AGMO: variants seen among roughly 807,000 people sequenced by gnomAD.
The protein encoded by AGMO is alkylglycerol monooxygenase.
A neutral mutation model predicts 60.2 loss-of-function variants in AGMO; 75 were observed. That is an observed-to-expected ratio of 1.25 (90% CI 1.03 to 1.51). The LOEUF (loss-of-function observed/expected upper bound fraction) is 1.51. Ranked by LOEUF, AGMO falls within the 40% of genes most tolerant of loss-of-function variation. The pLI is 0.00. For synonymous variants in AGMO, 261 were observed against 177.1 expected, an observed-to-expected ratio of 1.47 and a Z score of -3.76; for missense variants, 763 against 525.5, an observed-to-expected ratio of 1.45 and a Z score of -4.42.
chr7:15,466,682 G>A (rs1782299306), intron 3 of AGMO, among the ~76,000 whole-genome samples: 1 of 152,162 alleles, frequency 6.6e-6, no homozygotes. Context: ...CCCTTCATCT[G>A]TTAAGAGGAC....
chr7:15,538,656 A>T (rs1279295953), intron 3 of AGMO, among the ~76,000 whole-genome samples: 1 of 152,214 alleles, frequency 6.6e-6, no homozygotes, highest in Non-Finnish European at 1.5e-5. Flanking sequence ...TAAGTAATCT[A>T]TTCATCAGTG....
Position 15,426,716 on chromosome 7 carries a change from C to T in AGMO, c.513+4289G>A, listed in dbSNP as rs1233002898. 2.0e-5 allele frequency among the ~76,000 whole-genome samples: 3 copies of T among 151,964 alleles called. No homozygotes were observed. The East Asian group carries it at 5.8e-4, about 29-fold the overall frequency. Reference sequence around the variant, plus strand: ...GTGGGCTGAGACACACCACTGCATTCCAACCTGGGCGACAGAGTGACAATT... The same window carrying T: ...GTGGGCTGAGACACACCACTGCATTTCAACCTGGGCGACAGAGTGACAATT... On this transcript the variant is annotated intron_variant, in intron 4 of 12. Transcript: ENST00000342526.
the AGMO span, among the ~76,000 whole-genome samples, chr7:15,182,667 T>C: frequency 6.6e-6 from 1 of 152,190 alleles, no homozygotes; most frequent in East Asian, 1.9e-4. Context: ...CCCACCTGTC[T>C]TTGCCTCCCA....
At chr7:15,265,577 G>T (rs994290018) in intron 12 of AGMO, among the ~76,000 whole-genome samples, 3 of 151,784 alleles carry the variant, frequency 2.0e-5, no homozygotes, top group Non-Finnish European at 4.4e-5. Context: ...ACCACAGTGA[G>T]ATTCTATCTC....
At position 15,226,487 on chromosome 7, in the gene AGMO, A is replaced by G. The variant is rs182701082; in HGVS notation, c.1264-25128T>C. ...AAAATCAGTTACAACAGAATTTTCTATGGACCCCACATTAACAAATAATCC... is the reference window on the plus strand; with the variant it reads ...AAAATCAGTTACAACAGAATTTTCTGTGGACCCCACATTAACAAATAATCC... On this transcript the variant is annotated intron_variant, in intron 12 of 12. Transcript: ENST00000342526. Among the ~76,000 whole-genome samples the G allele has an allele frequency of 2.0e-3, 308 of 152,222 alleles. 2 individuals are homozygous for G. Among genetic ancestry groups the G allele is most frequent in the African/African-American group, 7.0e-3 (292 of 41,558 alleles).
intron 3 of AGMO, among the ~76,000 whole-genome samples, chr7:15,533,881 G>A (rs1784425375): frequency 6.6e-6 from 1 of 152,158 alleles, no homozygotes; most frequent in South Asian, 2.1e-4. Flanking sequence ...AAAACACAGA[G>A]CTGGCATTAA....
chr7:15,287,170 A>G (rs890452750), intron 12 of AGMO, among the ~76,000 whole-genome samples: 1 of 152,176 alleles, frequency 6.6e-6, no homozygotes, highest in Non-Finnish European at 1.5e-5. Flanking sequence ...AGGTTTTACC[A>G]CTATACAATT....
chr7:15,352,559 C>G (rs1317162298), intron 12 of AGMO, among the ~76,000 whole-genome samples: 1 of 151,330 alleles, frequency 6.6e-6, no homozygotes, highest in African/African-American at 2.4e-5. Context: ...TTTAAAATCT[C>G]AGGCTTGGCC....
At chr7:15,377,821 T>C (rs1309791946) in intron 10 of AGMO, among the ~76,000 whole-genome samples, 1 of 152,016 alleles carries the variant, frequency 6.6e-6, no homozygotes, top group Non-Finnish European at 1.5e-5. Context: ...TGAGGGGTTA[T>C]GAGACCTTAC....
chr7:15,239,516 T>A (rs1563049905), intron 12 of AGMO, among the ~76,000 whole-genome samples: 1 of 152,166 alleles, frequency 6.6e-6, no homozygotes, highest in Non-Finnish European at 1.5e-5. Context: ...CTGTCTTCAA[T>A]GTCCAACAGT....
chr7:15,399,169 C>T (rs375965721), intron 5 of AGMO, among the ~76,000 whole-genome samples: 1 of 151,994 alleles, frequency 6.6e-6, no homozygotes, highest in African/African-American at 2.4e-5. Flanking sequence ...TGTTTTTTCT[C>T]GGTCTTACAA....
chr7:15,216,188 A>T (rs747395127), intron 12 of AGMO, among the ~76,000 whole-genome samples: 6 of 152,058 alleles, frequency 3.9e-5, no homozygotes, highest in Non-Finnish European at 7.4e-5. Context: ...AAAAGCTGGA[A>T]AACAGTCTAA....
intron 12 of AGMO, among the ~76,000 whole-genome samples, chr7:15,359,098 G>A (rs887857435): frequency 1.3e-5 from 2 of 151,872 alleles, no homozygotes; most frequent in Non-Finnish European, 2.9e-5. Flanking sequence ...GACCATCCTG[G>A]CTAACATGGT....
At position 15,366,053 on chromosome 7, in the gene AGMO, T is replaced by C. The variant is rs116651777; in HGVS notation, c.1157+87A>G. On this transcript the variant is annotated intron_variant, in intron 11 of 12. Coordinates refer to ENST00000342526, the MANE Select transcript of AGMO (RefSeq NM_001004320.2). ...ATATTTATTTTTAAAACTACACTAG[T>C]TACATAATATACTGGTATTTTACCA... The C allele has an allele frequency of 1.3e-3, 1,250 of 936,298 alleles. 18 individuals carry two copies. In the African/African-American group the frequency reaches 0.019, roughly 14 times the overall value. The allele number at this position is 936,298 out of a possible 1,614,324, so 58.0% of individuals were successfully genotyped here. A position where few individuals can be genotyped will look rare whatever the true frequency, so the allele number is the denominator to read the frequency against.
At chr7:15,177,458 C>T in the AGMO span, among the ~76,000 whole-genome samples, 1 of 151,996 alleles carries the variant, frequency 6.6e-6, no homozygotes, top group Non-Finnish European at 1.5e-5. Flanking sequence ...GTTTTAGTTC[C>T]AGTGGTTTGT....
the AGMO span, among the ~76,000 whole-genome samples, chr7:15,176,114 G>A: frequency 8.6e-5 from 13 of 152,022 alleles, no homozygotes; most frequent in African/African-American, 2.9e-4. Flanking sequence ...CTAAATTTAC[G>A]TTTTCCTATT....
chr7:15,135,790 A>G, the AGMO span, among the ~76,000 whole-genome samples: 5 of 151,712 alleles, frequency 3.3e-5, no homozygotes, highest in Non-Finnish European at 7.4e-5. Flanking sequence ...ACTTTAAACA[A>G]ATGCATTAAT....
intron 5 of AGMO, among the ~76,000 whole-genome samples, chr7:15,408,889 G>A (rs1460712708): frequency 6.6e-6 from 1 of 151,814 alleles, no homozygotes; most frequent in East Asian, 1.9e-4. Context: ...GTTCTTAACA[G>A]GGGAAACATT....
At chr7:15,473,023 G>A (rs956425120) in intron 3 of AGMO, among the ~76,000 whole-genome samples, 2 of 151,758 alleles carry the variant, frequency 1.3e-5, no homozygotes, top group African/African-American at 4.8e-5. Flanking sequence ...AAAATATCAA[G>A]AAATATCAAC....
Sources: gnomAD v4.1 joint callset for allele counts (sites outside exome capture counted in the v4.1 genomes callset) on GRCh38, gnomAD v4.1.1 for gene constraint, MANE v1.5 for transcripts, NCBI Gene and HGNC (gene_info 2026-07-23, HGNC 2026-07-21) for gene names.